YBX1: variants seen among roughly 807,000 people sequenced by gnomAD.
YBX1 encodes Y-box binding protein 1.
YBX1 carries 3 observed loss-of-function variants against 41.4 expected under a neutral mutation model. The observed-to-expected ratio is 0.07, with a 90% confidence interval of 0.03 to 0.19. The LOEUF is 0.19. Among genes scored for constraint, YBX1 ranks in the 10% least tolerant of loss-of-function variants. The pLI, the probability that YBX1 is intolerant of heterozygous loss-of-function variation, is 1.00. For synonymous variants in YBX1, 133 were observed against 165.8 expected, an observed-to-expected ratio of 0.80 and a Z score of 1.52; for missense variants, 274 against 462.8, an observed-to-expected ratio of 0.59 and a Z score of 3.74.
At chr1:42,695,882 T>C (rs1319455112) in intron 3 of YBX1, among the ~76,000 whole-genome samples, 1 of 152,252 alleles carries the variant, frequency 6.6e-6, no homozygotes, top group South Asian at 2.1e-4. Context: ...ATGGATATCC[T>C]CATTTGTTAA....
chr1:42,697,180 G>C lies in YBX1; in HGVS notation c.658G>C (p.Gly220Arg). The C allele has an allele frequency of 6.2e-7, 1 of 1,612,670 alleles. No individual in the cohort carries two copies. The highest frequency in any genetic ancestry group is 8.5e-7 in the Non-Finnish European group (1 of 1,179,608). ...GCTTAATTTCCATTGTCTTTTTCAG[G>C]GTGCTGACAACCAGGGTGCAGGAGA... ...NPPVQGEVMEGADNQGAGEQG... is the reference protein window; with the variant it reads ...NPPVQGEVMERADNQGAGEQG... The change falls in exon 6 of 8, where the codon GGT becomes CGT. Residue 220 changes from glycine (G) to arginine (R), a missense_variant and splice_region_variant. Transcript: ENST00000321358.
rs1298848841 is a variant in YBX1 at position 42,682,500 on chromosome 1, G to C, written c.-66G>C. On this transcript the variant is annotated 5_prime_UTR_variant, in exon 1 of 8. Transcript: ENST00000321358. ...CAGCCCCACCGCCGCCGCCGGCCTA[G>C]TTACCATCACACCCCGGGAGGAGCC... 8.0e-6 allele frequency: 11 copies of C among 1,374,678 alleles called. No homozygotes were observed. The highest frequency in any genetic ancestry group is 9.4e-6 in the Non-Finnish European group (10 of 1,067,754). 85.2% of individuals were successfully genotyped at this position (1,374,678 alleles called of 1,614,324 possible). A position where few individuals can be genotyped will look rare whatever the true frequency, so the allele number is the denominator to read the frequency against.
At chr1:42,697,126 G>A in intron 5 of YBX1, 54 bp from the exon 6 acceptor site, 1 of 1,575,450 alleles carries the variant, frequency 6.3e-7, no homozygotes, top group Non-Finnish European at 8.6e-7. Flanking sequence ...ATCTGGTTGG[G>A]TTTTTTTATT....
intron 2 of YBX1, among the ~76,000 whole-genome samples, chr1:42,684,072 C>A (rs2208926): frequency 0.97 from 148,420 of 152,302 alleles, 72,447 homozygotes; most frequent in African/African-American, 0.99. Flanking sequence ...TTCCTTCTTC[C>A]GTTCTTATTT....
Position 42,694,292 on chromosome 1 carries a change from T to C in YBX1, c.264+769T>C, listed in dbSNP as rs182274360. Among the ~76,000 whole-genome samples the C allele has an allele frequency of 6.7e-3, 1,023 of 152,340 alleles. 10 individuals carry two copies. Among genetic ancestry groups the C allele is most frequent in the Non-Finnish European group, 9.1e-3 (620 of 68,032 alleles). On this transcript the variant is annotated intron_variant, in intron 3 of 7. Coordinates refer to ENST00000321358, the MANE Select transcript of YBX1 (RefSeq NM_004559.5). ...ATTCAGGAATTAAGATTATTACTAA[T>C]GTAAACCACTGCCAAGTGTATGTTA...
chr1:42,693,621 T>C, intron 3 of YBX1, 98 bp downstream of exon 3: 1 of 1,273,126 alleles, frequency 7.9e-7, no homozygotes, highest in South Asian at 1.3e-5. Context: ...AAAGGTTAAG[T>C]CCAACCACCA....
At chr1:42,688,567 T>A (rs914410819) in intron 2 of YBX1, among the ~76,000 whole-genome samples, 1 of 152,234 alleles carries the variant, frequency 6.6e-6, no homozygotes, top group Non-Finnish European at 1.5e-5. Context: ...AAATGCCATG[T>A]GACGCTAATC....
chr1:42,697,194 G>T lies in YBX1; in HGVS notation c.672G>T (p.Gln224His). 1 of 1,613,874 alleles carries T rather than the reference G, an allele frequency of 6.2e-7. No individual in the cohort carries two copies. The highest frequency in any genetic ancestry group is 8.5e-7 in the Non-Finnish European group (1 of 1,179,940). The change falls in exon 6 of 8, where the codon CAG becomes CAT. Residue 224 changes from glutamine (Q) to histidine (H), a missense_variant. Transcript: ENST00000321358. Reference protein sequence around the residue: ...QGEVMEGADNQGAGEQGRPVR... With the variant: ...QGEVMEGADNHGAGEQGRPVR... ...GTCTTTTTCAGGGTGCTGACAACCA[G>T]GGTGCAGGAGAACAAGGTAGACCAG... is the stretch of plus-strand genomic sequence containing the variant.
intron 7 of YBX1, 138 bp downstream of exon 7, chr1:42,701,184 C>T (rs765444643): frequency 6.0e-6 from 4 of 671,798 alleles, no homozygotes; most frequent in Non-Finnish European, 1.0e-5. Context: ...CTGCCCTATT[C>T]TTAATTACCT....
Position 42,703,079 on chromosome 1 carries a change from C to G in YBX1, c.*1130C>G, listed in dbSNP as rs1650645321. On this transcript the variant is annotated 3_prime_UTR_variant, in exon 8 of 8. Transcript: ENST00000321358. ...TAGCTGGGAGTACAGGTGCGTGCCA[C>G]CACACCCAGCTAATTTTTGTATTTT... is the stretch of plus-strand genomic sequence containing the variant. Among the ~76,000 whole-genome samples, 1 of 152,108 alleles carries G rather than the reference C, an allele frequency of 6.6e-6. No homozygotes were observed. Among genetic ancestry groups the G allele is most frequent in the Non-Finnish European group, 1.5e-5 (1 of 68,026 alleles).
chr1:42,695,928 T>C (rs1354846166), intron 3 of YBX1, among the ~76,000 whole-genome samples: 1 of 152,250 alleles, frequency 6.6e-6, no homozygotes, highest in East Asian at 1.9e-4. Flanking sequence ...AAGCAGTTTT[T>C]AAAATGATGT....
In YBX1 at chr1:42,703,414, G is replaced by A. The variant is rs116633720; in HGVS notation, c.*1465G>A. On this transcript the variant is annotated 3_prime_UTR_variant, in exon 8 of 8. Coordinates refer to ENST00000321358, the MANE Select transcript of YBX1 (RefSeq NM_004559.5). ...GGCACATCAGGAATCCTGCAGTGCT[G>A]TGGAAGTCATCTCCTGCTTGGGACT... Among the ~76,000 whole-genome samples the A allele has an allele frequency of 3.9e-3, 589 of 152,124 alleles. 1 individual carries two copies. The highest frequency in any genetic ancestry group is 0.014 in the African/African-American group (564 of 41,496).
At position 42,696,053 on chromosome 1, in the gene YBX1, T is replaced by G; in HGVS notation, c.265-146T>G. On this transcript the variant is annotated intron_variant, in intron 3 of 7. Transcript: ENST00000321358. This position sits in a 1 kb window ranked among gnomAD's most constrained non-coding sequence, Gnocchi z 5.7. ...GTTGGGGATAGTGTGGTCCCCGCTT[T>G]CCTAAATTTATTGATGGTTTGGTCT... 1 of 585,628 alleles carries G rather than the reference T, an allele frequency of 1.7e-6. No homozygotes were observed. The highest frequency in any genetic ancestry group is 3.2e-5 in the East Asian group (1 of 31,630). 36.3% of individuals were successfully genotyped at this position (585,628 alleles called of 1,614,324 possible). A position where few individuals can be genotyped will look rare whatever the true frequency, so the allele number is the denominator to read the frequency against.
Position 42,682,436 on chromosome 1 carries a change from G to C in YBX1, c.-130G>C. On this transcript the variant is annotated 5_prime_UTR_variant, in exon 1 of 8. Coordinates refer to ENST00000321358, the MANE Select transcript of YBX1 (RefSeq NM_004559.5). ...TCCCGCCATTCTCGCTAGTTCGATC[G>C]GTAGCGGGAGCGGAGAGCGGACCCC... The C allele has an allele frequency of 8.8e-7, 1 of 1,136,242 alleles. No individual in the cohort carries two copies. Among genetic ancestry groups the C allele is most frequent in the Non-Finnish European group, 1.1e-6 (1 of 879,758 alleles). 70.4% of individuals were successfully genotyped at this position (1,136,242 alleles called of 1,614,324 possible).
intron 2 of YBX1, 124 bp from the exon 3 acceptor site, chr1:42,693,366 T>G: frequency 9.3e-7 from 1 of 1,076,852 alleles, no homozygotes; most frequent in Non-Finnish European, 1.4e-6. Context: ...GGCTTGTGTT[T>G]TTTGATTTTT....
In YBX1 at chr1:42,696,679, T is replaced by G. The variant is rs749858908; in HGVS notation, c.392T>G (p.Val131Gly). The change falls in exon 5 of 8, where the codon GTT (valine) becomes GGT (glycine). Residue 131 changes from valine to glycine, a missense_variant. Val to Gly is a moderately radical substitution (Grantham distance 109). Transcript: ENST00000321358. This position sits in a 1 kb window ranked among gnomAD's most constrained non-coding sequence, Gnocchi z 5.7. The part of the protein sequence containing the change: ...EAANVTGPGG[V>G]PVQGSKYAAD... The stretch of plus-strand genomic sequence containing the variant: ...GCAAATGTTACAGGTCCTGGTGGTG[T>G]TCCAGTTCAAGGCAGTAAATATGCA... The G allele has an allele frequency of 1.3e-5, 20 of 1,593,872 alleles. No individual in the cohort carries two copies. The highest frequency in any genetic ancestry group is 2.7e-5 in the African/African-American group (2 of 74,650).
Position 42,682,726 on chromosome 1 carries a change from T to C in YBX1, c.161T>C (p.Val54Ala), listed in dbSNP as rs1319834212. Residue 54 changes from valine to alanine, a missense_variant, in exon 1 of 8, where the codon GTC becomes GCC. Transcript: ENST00000321358. The part of the protein sequence containing the change: ...SAAPAGGDKK[V>A]IATKVLGTVK... ...GCGCCTGCCGGCGGGGACAAGAAGG[T>C]CATCGGTGAGGACCGGACAGGGACG... 8.1e-7 allele frequency: 1 copy of C among 1,238,848 alleles called. No individual in the cohort carries two copies. The highest frequency in any genetic ancestry group is 1.0e-6 in the Non-Finnish European group (1 of 996,518). 76.7% of individuals were successfully genotyped at this position (1,238,848 alleles called of 1,614,324 possible).
chr1:42,683,474 G>T lies in YBX1; in HGVS notation c.230+8G>T, dbSNP rs779031819. On this transcript the variant is annotated splice_region_variant and intron_variant, in intron 2 of 7. Coordinates refer to ENST00000321358, the MANE Select transcript of YBX1 (RefSeq NM_004559.5). ...ATATGGTTTCATCAACAGGTGAGCT[G>T]CCGGGCTCTGAAGCCTCCATCCCAC... 1.2e-6 allele frequency: 2 copies of T among 1,612,930 alleles called. No individual in the cohort carries two copies. Among genetic ancestry groups the T allele is most frequent in the East Asian group, 4.5e-5 (2 of 44,882 alleles).
In YBX1 at chr1:42,694,683, C is replaced by G. The variant is rs761527732; in HGVS notation, c.264+1160C>G. Among the ~76,000 whole-genome samples the G allele has an allele frequency of 1.1e-4, 17 of 152,288 alleles. 1 individual carries two copies. The South Asian group carries it at 1.9e-3, about 17-fold the overall frequency. ...TACACCCAAACCCAATCAGGTAGTT[C>G]AGGGTCAAATGTAATTATGGAATCA... On this transcript the variant is annotated intron_variant, in intron 3 of 7. Transcript: ENST00000321358.
Sources: gnomAD v4.1 joint callset for allele counts (sites outside exome capture counted in the v4.1 genomes callset) on GRCh38, gnomAD v4.1.1 for gene constraint, Gnocchi (gnomAD v3.1) non-coding constraint, MANE v1.5 for transcripts, NCBI Gene and HGNC (gene_info 2026-07-23, HGNC 2026-07-21) for gene names.